The following MTSS1 variants were observed in gnomAD, a reference collection of about 807,000 sequenced individuals.
MTSS1 encodes the protein protein MTSS 1.
MTSS1 carries 18 observed loss-of-function variants against 79.0 expected under a neutral mutation model. The ratio of observed to expected loss-of-function variants is 0.23; its 90% CI spans 0.16 to 0.34. MTSS1 has a LOEUF of 0.34. MTSS1 is among the 10% of genes least tolerant of loss of function. The probability of loss-of-function intolerance (pLI) is 1.00; values close to 1 mark genes in which losing one functional copy is unlikely to be tolerated. For missense variants in MTSS1, 815 were observed against 986.2 expected (o/e 0.83, Z 2.33); for synonymous variants, 341 against 368.6 (o/e 0.93, Z 0.86).
chr8:124,583,472 G>C (rs1421002548), intron 6 of MTSS1, among the ~76,000 whole-genome samples: 2 of 152,166 alleles, frequency 1.3e-5, no homozygotes, highest in African/African-American at 4.8e-5. Context: ...TTCACCCAGA[G>C]GTATAAATTC....
At chr8:124,601,062 A>ATTTTTTTTTTTTTTTTTTTTTT (rs35966615) in intron 3 of MTSS1, among the ~76,000 whole-genome samples, 1 of 88,662 alleles carries the variant, frequency 1.1e-5, no homozygotes, top group Non-Finnish European at 2.3e-5. Flanking sequence ...CTTGACTGTA[A>ATTTTTTTTTTTTTTTTTTTTTT]TTTTTTTTTT....
At chr8:124,557,543 AGGGAGAGGCATTATG>A in intron 11 of MTSS1, 123 bp downstream of exon 11, 1 of 931,572 alleles carries the variant, frequency 1.1e-6, no homozygotes, top group Non-Finnish European at 1.6e-6. Flanking sequence ...GAGTTTCCTG[AGGGAGAGGCATTATG>A]GGGAAGAAGG....
At chr8:124,593,215 C>T (rs138400490) in intron 3 of MTSS1, among the ~76,000 whole-genome samples, 6 of 152,282 alleles carry the variant, frequency 3.9e-5, no homozygotes, top group Non-Finnish European at 5.9e-5. Flanking sequence ...TTTTATTCCC[C>T]GGGAAATATT....
chr8:124,623,944 C>T (rs1046352181), intron 3 of MTSS1, among the ~76,000 whole-genome samples: 1 of 152,234 alleles, frequency 6.6e-6, no homozygotes, highest in African/African-American at 2.4e-5. Flanking sequence ...TTGCGGGGCC[C>T]GCGCTAAGCA....
intron 3 of MTSS1, among the ~76,000 whole-genome samples, chr8:124,619,770 C>T (rs1342338107): frequency 6.6e-6 from 1 of 152,080 alleles, no homozygotes; most frequent in African/African-American, 2.4e-5. Context: ...GGTCATGTGG[C>T]CCAACAGCTC....
intron 3 of MTSS1, among the ~76,000 whole-genome samples, chr8:124,614,203 A>T (rs1030378553): frequency 6.7e-6 from 1 of 150,184 alleles, no homozygotes; most frequent in African/African-American, 2.5e-5. Context: ...ATATAGCAAG[A>T]GGTGGTAGCA....
At chr8:124,558,953 G>C (rs1824652461) in intron 10 of MTSS1, 7 of 1,320,716 alleles carry the variant, frequency 5.3e-6, no homozygotes, top group East Asian at 2.6e-5. Flanking sequence ...CAGAGAGAAA[G>C]AGACAGACAT....
rs138468880 is a variant in MTSS1 at position 124,689,705 on chromosome 8, C to A, written c.208+9821G>T. On this transcript the variant is annotated intron_variant, in intron 3 of 13. Transcript: ENST00000518547. ...AGGTTCCAGTGAGCCAAGATCGCACCATTGCACTCCAGCCTGGGCAACGAG... is the reference window on the plus strand; with the variant it reads ...AGGTTCCAGTGAGCCAAGATCGCACAATTGCACTCCAGCCTGGGCAACGAG... Among the ~76,000 whole-genome samples, 592 of 147,476 alleles carry A rather than the reference C, an allele frequency of 4.0e-3. 3 individuals carry two copies. The highest frequency in any genetic ancestry group is 6.5e-3 in the Non-Finnish European group (438 of 67,458).
intron 6 of MTSS1, among the ~76,000 whole-genome samples, chr8:124,583,501 A>G (rs1445092857): frequency 1.3e-5 from 2 of 152,208 alleles, no homozygotes; most frequent in African/African-American, 2.4e-5. Context: ...GGGCAATGCC[A>G]GTGACTTTGA....
chr8:124,688,673 A>G (rs1415536778), intron 3 of MTSS1, among the ~76,000 whole-genome samples: 3 of 152,206 alleles, frequency 2.0e-5, no homozygotes, highest in South Asian at 2.1e-4. Flanking sequence ...AAATGTCTGT[A>G]AACAATCACC....
chr8:124,603,283 C>T (rs904996774), intron 3 of MTSS1, among the ~76,000 whole-genome samples: 9 of 152,136 alleles, frequency 5.9e-5, no homozygotes, highest in Non-Finnish European at 1.0e-4. Flanking sequence ...GCCTCAGCCT[C>T]CCAAAGTGCT....
intron 1 of MTSS1, 121 bp from the exon 2 acceptor site, chr8:124,704,312 G>T: frequency 1.1e-6 from 1 of 873,136 alleles, no homozygotes; most frequent in Non-Finnish European, 1.9e-6. Context: ...TCCTTTGCAG[G>T]TCTGCAATAC....
intron 3 of MTSS1, among the ~76,000 whole-genome samples, chr8:124,592,928 G>C (rs571735207): frequency 1.7e-4 from 26 of 152,306 alleles, no homozygotes; most frequent in Admixed American, 1.3e-3. Context: ...AGAGTACCAA[G>C]TGTTGGGCAA....
intron 3 of MTSS1, among the ~76,000 whole-genome samples, chr8:124,649,573 C>T (rs530472363): frequency 6.6e-6 from 1 of 152,220 alleles, no homozygotes; most frequent in East Asian, 1.9e-4. Flanking sequence ...AAAAAGCTCC[C>T]GGCACAGGCA....
At chr8:124,592,840 G>T (rs1832084994) in intron 3 of MTSS1, among the ~76,000 whole-genome samples, 1 of 152,110 alleles carries the variant, frequency 6.6e-6, no homozygotes, top group African/African-American at 2.4e-5. Context: ...AGTATCCTTG[G>T]CCTCTACCCA....
At chr8:124,637,940 C>T (rs1817331666) in intron 3 of MTSS1, among the ~76,000 whole-genome samples, 1 of 152,210 alleles carries the variant, frequency 6.6e-6, no homozygotes, top group Non-Finnish European at 1.5e-5. Context: ...AAGACTTACA[C>T]ACAAGTTAGA....
intron 3 of MTSS1, among the ~76,000 whole-genome samples, chr8:124,612,574 A>ATGTGTGTGTGTGTGTG (rs58367314): frequency 5.8e-4 from 58 of 99,574 alleles, no homozygotes; most frequent in Non-Finnish European, 8.8e-4. Context: ...CAAGTTTAAA[A>ATGTGTGTGTGTGTGTG]TGTGTGTGTG....
chr8:124,698,531 C>CA (rs952152948), intron 3 of MTSS1, among the ~76,000 whole-genome samples: 35 of 125,768 alleles, frequency 2.8e-4, no homozygotes, highest in African/African-American at 1.0e-3. Flanking sequence ...TTTTTTGAGA[C>CA]AGAGTCCCAA....
intron 6 of MTSS1, chr8:124,577,532 C>T (rs532543623): frequency 3.7e-5 from 19 of 515,920 alleles, no homozygotes; most frequent in African/African-American, 1.9e-4. Flanking sequence ...CCACTGTGCC[C>T]GGCCTTGGAG....
Sources: allele counts gnomAD v4.1 joint callset (sites outside exome capture counted in the v4.1 genomes callset), GRCh38; gene constraint gnomAD v4.1.1; transcripts MANE v1.5; gene names NCBI Gene and HGNC (gene_info 2026-07-23, HGNC 2026-07-21).